The following STAG1 variants were observed in gnomAD, a reference collection of about 807,000 sequenced individuals.
STAG1 encodes cohesin subunit SA-1.
In STAG1, 26 loss-of-function variants were observed where a neutral mutation model predicts 170.9. The observed-to-expected ratio is 0.15, with a 90% CI of 0.11 to 0.21. The LOEUF (loss-of-function observed/expected upper bound fraction) is 0.21. Ranked by LOEUF, STAG1 falls within the 10% of genes least tolerant of loss-of-function variation. STAG1 has a pLI of 1.00. For synonymous variants in STAG1, 514 were observed against 497.7 expected (o/e 1.03, Z -0.44); for missense variants, 964 against 1,509.5 (o/e 0.64, Z 5.99).
At chr3:136,429,029 C>T (rs752757694) in intron 16 of STAG1, among the ~76,000 whole-genome samples, 18 of 151,958 alleles carry the variant, frequency 1.2e-4, no homozygotes, top group Non-Finnish European at 2.6e-4. Context: ...CCCAGCCACT[C>T]GGGAGGCTGA....
At chr3:136,429,322 G>C (rs185120775) in intron 16 of STAG1, among the ~76,000 whole-genome samples, 96 of 152,030 alleles carry the variant, frequency 6.3e-4, no homozygotes, top group African/African-American at 2.3e-3. Flanking sequence ...CAGGAGAATC[G>C]CTTGAACCCG....
chr3:136,657,696 C>A (rs1029535492), intron 1 of STAG1, among the ~76,000 whole-genome samples: 8 of 152,116 alleles, frequency 5.3e-5, no homozygotes, highest in African/African-American at 1.7e-4. Context: ...ATGGTACATG[C>A]CTGTAGTTTC....
intron 20 of STAG1, 119 bp from the exon 21 acceptor site, chr3:136,418,091 C>G (rs572842209): frequency 3.9e-6 from 3 of 764,462 alleles, no homozygotes; most frequent in Non-Finnish European, 6.3e-6. Context: ...CACTGGCTCA[C>G]GCCTGTAATC....
intron 22 of STAG1, among the ~76,000 whole-genome samples, chr3:136,392,674 G>A (rs989164098): frequency 6.7e-6 from 1 of 149,844 alleles, no homozygotes; most frequent in Non-Finnish European, 1.5e-5. Flanking sequence ...GCTGACGGAG[G>A]ACAATCGCTT....
intron 4 of STAG1, among the ~76,000 whole-genome samples, chr3:136,583,376 C>T (rs749882585): frequency 2.6e-5 from 4 of 151,994 alleles, no homozygotes; most frequent in Non-Finnish European, 2.9e-5. Flanking sequence ...ACATTAAGTC[C>T]ACTGAAACTG....
At chr3:136,548,121 T>A (rs1465175107) in intron 5 of STAG1, among the ~76,000 whole-genome samples, 2 of 149,466 alleles carry the variant, frequency 1.3e-5, no homozygotes, top group Admixed American at 6.6e-5. Context: ...TTTGTTTTGT[T>A]TTTTTTTTTT....
intron 1 of STAG1, among the ~76,000 whole-genome samples, chr3:136,682,426 C>T (rs1460810430): frequency 2.2e-5 from 3 of 139,190 alleles, no homozygotes; most frequent in Non-Finnish European, 4.7e-5. Flanking sequence ...CTCTGTTTCA[C>T]AAAATTAAAA....
intron 27 of STAG1, 25 bp from the exon 28 acceptor site, chr3:136,357,873 T>C (rs751669610): frequency 3.7e-5 from 58 of 1,575,152 alleles, no homozygotes; most frequent in Non-Finnish European, 5.0e-5. Flanking sequence ...AATATCAACT[T>C]ATTTTTCCAG....
intron 5 of STAG1, among the ~76,000 whole-genome samples, chr3:136,563,236 C>T (rs1936914680): frequency 6.6e-6 from 1 of 152,108 alleles, no homozygotes; most frequent in Admixed American, 6.5e-5. Context: ...AAACTTCTCC[C>T]CGACCCCACT....
chr3:136,522,851 G>A (rs907555697), intron 6 of STAG1, among the ~76,000 whole-genome samples: 1 of 151,776 alleles, frequency 6.6e-6, no homozygotes, highest in Admixed American at 6.6e-5. Context: ...AGTTTCCTGA[G>A]AATGATGGTT....
rs1280233203 is a variant in STAG1, at chr3:136,337,178, A to T, written c.*1076T>A. On this transcript the variant is annotated 3_prime_UTR_variant, in exon 34 of 34. Transcript: ENST00000383202. ...AAGCACAGACTTCTATGCAGCACAT[A>T]CTTCTATAATCAGTAAACTTAATTC... 1 of 152,688 alleles carries T rather than the reference A, an allele frequency of 6.5e-6. No homozygotes were observed. The highest frequency in any genetic ancestry group is 1.5e-5 in the Non-Finnish European group (1 of 68,046). 9.5% of individuals were successfully genotyped at this position (152,688 alleles called of 1,614,324 possible).
intron 21 of STAG1, among the ~76,000 whole-genome samples, chr3:136,407,237 G>A (rs1399084920): frequency 6.6e-6 from 1 of 152,130 alleles, no homozygotes; most frequent in Non-Finnish European, 1.5e-5. Flanking sequence ...TACTGGCCAG[G>A]CTGGTCTCGA....
rs117231657 is a variant in STAG1 at position 136,641,491 on chromosome 3, C to A, written c.-83-10510G>T. ...AACAGGGGCCTCCTAATAGGATAAACAAAGGACACAACTATATTTCTTTAG... is the reference window on the plus strand; with the variant it reads ...AACAGGGGCCTCCTAATAGGATAAAAAAAGGACACAACTATATTTCTTTAG... On this transcript the variant is annotated intron_variant, in intron 1 of 33. Coordinates refer to ENST00000383202, the MANE Select transcript of STAG1 (RefSeq NM_005862.3). Among the ~76,000 whole-genome samples the A allele has an allele frequency of 7.5e-3, 1,136 of 152,248 alleles. 31 individuals are homozygous for A. Among genetic ancestry groups the A allele is most frequent in the East Asian group, 0.041 (213 of 5,180 alleles).
rs187650805 is a variant in STAG1, at chr3:136,338,054, T to A, written c.*200A>T. 26 of 558,732 alleles carry A rather than the reference T, an allele frequency of 4.7e-5. No individual in the cohort carries two copies. Among genetic ancestry groups the A allele is most frequent in the Admixed American group, 1.4e-4 (4 of 29,126 alleles). 34.6% of individuals were successfully genotyped at this position (558,732 alleles called of 1,614,324 possible). ...CAAATGATTTTCAGGTCAGTCTTTC[T>A]GAGTTGACATTCACCAACATTCCCT... is the stretch of plus-strand genomic sequence containing the variant. On this transcript the variant is annotated 3_prime_UTR_variant, in exon 34 of 34. Transcript: ENST00000383202.
At chr3:136,466,694 A>AT (rs1325689395) in intron 12 of STAG1, among the ~76,000 whole-genome samples, 5 of 152,174 alleles carry the variant, frequency 3.3e-5, no homozygotes. Flanking sequence ...TCCAAGACAC[A>AT]TAATTGTCAG....
chr3:136,629,897 G>A (rs925792591), intron 2 of STAG1, among the ~76,000 whole-genome samples: 7 of 152,062 alleles, frequency 4.6e-5, no homozygotes, highest in African/African-American at 1.7e-4. Flanking sequence ...CCCAGAATAA[G>A]TCCCAATTCT....
intron 3 of STAG1, among the ~76,000 whole-genome samples, chr3:136,616,016 C>A (rs1939575729): frequency 6.6e-6 from 1 of 151,998 alleles, no homozygotes; most frequent in Admixed American, 6.6e-5. Flanking sequence ...CACCTGTAAT[C>A]CCAGCACTTT....
intron 9 of STAG1, among the ~76,000 whole-genome samples, chr3:136,478,600 A>C (rs1559829738): frequency 6.6e-6 from 1 of 152,190 alleles, no homozygotes; most frequent in African/African-American, 2.4e-5. Context: ...ATTTTAGCTA[A>C]AATTTTAATG....
chr3:136,511,720 A>G (rs183867388), intron 7 of STAG1, among the ~76,000 whole-genome samples: 467 of 152,322 alleles, frequency 3.1e-3, no homozygotes, highest in Non-Finnish European at 4.9e-3. Flanking sequence ...CCTGGGTGAC[A>G]AAATAATCTG....
Sources: allele counts gnomAD v4.1 joint callset (sites outside exome capture counted in the v4.1 genomes callset), GRCh38; gene constraint gnomAD v4.1.1; transcripts MANE v1.5; gene names NCBI Gene and HGNC (gene_info 2026-07-23, HGNC 2026-07-21).